CNDP1: variants seen among roughly 807,000 people sequenced by gnomAD.
CNDP1 encodes the protein beta-Ala-His dipeptidase.
Under a neutral mutation model 58.1 loss-of-function variants are expected in CNDP1, and 44 were observed. The observed-to-expected ratio is 0.76, with a 90% CI of 0.60 to 0.97. The LOEUF is 0.97. CNDP1 is among the 50% of genes least tolerant of loss of function. The pLI is 0.00. For synonymous variants in CNDP1, 254 were observed against 252.6 expected (o/e 1.01, Z -0.05); for missense variants, 616 against 655.1 (o/e 0.94, Z 0.65).
intron 1 of CNDP1, among the ~76,000 whole-genome samples, chr18:74,548,920 G>A (rs1980829775): frequency 6.6e-6 from 1 of 152,234 alleles, no homozygotes; most frequent in Admixed American, 6.5e-5. Context: ...ATGACTTAGG[G>A]TATCTGGCAG....
chr18:74,556,527 G>C, intron 2 of CNDP1, 61 bp downstream of exon 2: 2 of 1,593,124 alleles, frequency 1.3e-6, no homozygotes, highest in Non-Finnish European at 8.6e-7. Flanking sequence ...TTTGGTATTT[G>C]GGTGAGACAA....
intron 1 of CNDP1, among the ~76,000 whole-genome samples, chr18:74,544,924 T>G (rs1980720694): frequency 6.6e-6 from 1 of 151,970 alleles, no homozygotes; most frequent in Non-Finnish European, 1.5e-5. Context: ...CAAAACTCAG[T>G]GTCCTCCTAA....
intron 7 of CNDP1, 59 bp from the exon 8 acceptor site, chr18:74,576,810 G>C: frequency 6.6e-7 from 1 of 1,509,750 alleles, no homozygotes; most frequent in Non-Finnish European, 9.0e-7. Flanking sequence ...CTGGCTCCAG[G>C]ACCACAACAT....
At position 74,586,798 on chromosome 18, in the gene CNDP1, G is replaced by A. The variant is rs1267177788; in HGVS notation, c.*2236G>A. 3 of 152,134 alleles carry A rather than the reference G, an allele frequency of 2.0e-5. No individual in the cohort carries two copies. Among genetic ancestry groups the A allele is most frequent in the Non-Finnish European group, 4.4e-5 (3 of 68,050 alleles). 9.4% of individuals were successfully genotyped at this position (152,134 alleles called of 1,614,324 possible). A position where few individuals can be genotyped will look rare whatever the true frequency, so the allele number is the denominator to read the frequency against. ...GTGATCCAGACCCTACCCTGACGTGGGAGTCAGAAAGGAGTATCTTCCAAG... is the reference window on the plus strand; with the variant it reads ...GTGATCCAGACCCTACCCTGACGTGAGAGTCAGAAAGGAGTATCTTCCAAG... On this transcript the variant is annotated 3_prime_UTR_variant, in exon 12 of 12. Transcript: ENST00000358821.
intron 6 of CNDP1, among the ~76,000 whole-genome samples, chr18:74,569,763 C>T (rs182084262): frequency 2.6e-5 from 4 of 152,210 alleles, no homozygotes; most frequent in East Asian, 1.9e-4. Flanking sequence ...GAAGTCAGAG[C>T]GCAGGCACAC....
intron 1 of CNDP1, 106 bp from the exon 2 acceptor site, chr18:74,556,232 G>A (rs908858292): frequency 8.1e-7 from 1 of 1,237,668 alleles, no homozygotes; most frequent in Non-Finnish European, 1.1e-6. Context: ...CGACTGACTG[G>A]AGGCAGCTGT....
At position 74,583,545 on chromosome 18, in the gene CNDP1, T is replaced by G; in HGVS notation, c.1310-16T>G. 6.2e-7 allele frequency: 1 copy of G among 1,613,226 alleles called. No individual in the cohort carries two copies. The highest frequency in any genetic ancestry group is 1.6e-4 in the Middle Eastern group (1 of 6,062). ...TTGTCCTTACCCTATTCAAATGCCT[T>G]CTTTTCCTGTCTCAGTGTTTGGAAC... On this transcript the variant is annotated splice_polypyrimidine_tract_variant and intron_variant, in intron 10 of 11. Transcript: ENST00000358821.
intron 1 of CNDP1, among the ~76,000 whole-genome samples, chr18:74,538,516 T>C (rs1003579006): frequency 1.3e-5 from 2 of 152,236 alleles, no homozygotes; most frequent in Admixed American, 1.3e-4. Flanking sequence ...CCAGTTTTTG[T>C]GTGGACATGT....
chr18:74,570,793 G>A (rs544005351), intron 6 of CNDP1, among the ~76,000 whole-genome samples: 2 of 152,284 alleles, frequency 1.3e-5, no homozygotes, highest in South Asian at 4.1e-4. Flanking sequence ...AAAGAAGAAA[G>A]AGAAGAAAGC....
rs540846031 is a variant in CNDP1 at position 74,555,176 on chromosome 18, A to T, written c.25-1162A>T. Among the ~76,000 whole-genome samples the T allele has an allele frequency of 8.5e-5, 13 of 152,260 alleles. 1 individual carries two copies. Among genetic ancestry groups the T allele is most frequent in the Admixed American group, 2.6e-4 (4 of 15,300 alleles). ...ACATCTCAAACATTTAAAACAATAA[A>T]AGATGGGATTCCAGAGACAAAAATA... On this transcript the variant is annotated intron_variant, in intron 1 of 11. Coordinates refer to ENST00000358821, the MANE Select transcript of CNDP1 (RefSeq NM_032649.6).
At chr18:74,567,094 A>G (rs201890816) in intron 5 of CNDP1, 139 bp from the exon 6 acceptor site, 2 of 669,090 alleles carry the variant, frequency 3.0e-6, no homozygotes, top group East Asian at 5.4e-5. Context: ...ACTGGCCCCC[A>G]TGATTCAATT....
In CNDP1 at chr18:74,584,504, A is replaced by G; in HGVS notation, c.1466A>G (p.Tyr489Cys). Residue 489 changes from tyrosine (Y) to cysteine (C), a missense_variant, in exon 12 of 12, where the codon TAC becomes TGC. By Grantham distance (194) the Tyr-to-Cys change is radical. Coordinates refer to ENST00000358821, the MANE Select transcript of CNDP1 (RefSeq NM_032649.6). ...GTTTTTCCTCTTCTTAGGTGGAACT[A>G]CATAGAGGGAACCAAATTATTTGCT... ...SQNEKINRWN[Y>C]IEGTKLFAAF... is the part of the protein sequence containing the mutation. 6.2e-7 allele frequency: 1 copy of G among 1,612,398 alleles called. No homozygotes were observed. Among genetic ancestry groups the G allele is most frequent in the Non-Finnish European group, 8.5e-7 (1 of 1,178,390 alleles).
intron 3 of CNDP1, among the ~76,000 whole-genome samples, chr18:74,560,054 G>A (rs1283252233): frequency 7.3e-6 from 1 of 137,716 alleles, no homozygotes; most frequent in Non-Finnish European, 1.5e-5. Context: ...CTGTAGCCCA[G>A]GCTGGAGTGC....
chr18:74,584,461 G>T, intron 11 of CNDP1, 35 bp from the exon 12 acceptor site: 1 of 1,459,256 alleles, frequency 6.9e-7, no homozygotes, highest in Non-Finnish European at 9.6e-7. Flanking sequence ...AATGGAAATT[G>T]TAACAAAATT....
chr18:74,578,418 C>A, intron 9 of CNDP1, 91 bp downstream of exon 9: 1 of 1,268,118 alleles, frequency 7.9e-7, no homozygotes, highest in Non-Finnish European at 1.1e-6. Context: ...GAGGTTGCTA[C>A]CATTGGAGTA....
intron 5 of CNDP1, among the ~76,000 whole-genome samples, chr18:74,565,740 G>A (rs373523368): frequency 2.6e-5 from 4 of 152,190 alleles, no homozygotes; most frequent in African/African-American, 9.6e-5. Context: ...TTGAGTGTCT[G>A]CGGTTTTTCC....
chr18:74,573,593 T>A (rs1305620981), intron 7 of CNDP1, among the ~76,000 whole-genome samples: 1 of 152,272 alleles, frequency 6.6e-6, no homozygotes, highest in East Asian at 1.9e-4. Flanking sequence ...AGAGTTTAAA[T>A]GGTTTCCAGA....
chr18:74,556,158 G>C (rs1981031446), intron 1 of CNDP1, among the ~76,000 whole-genome samples, 180 bp from the exon 2 acceptor site: 1 of 152,216 alleles, frequency 6.6e-6, no homozygotes, highest in Admixed American at 6.5e-5. Flanking sequence ...TGGAAATAAA[G>C]TGTTTGGGGA....
At position 74,583,547 on chromosome 18, in the gene CNDP1, T is replaced by G; in HGVS notation, c.1310-14T>G. Reference sequence around the variant, plus strand: ...GTCCTTACCCTATTCAAATGCCTTCTTTTCCTGTCTCAGTGTTTGGAACAG... The same window carrying G: ...GTCCTTACCCTATTCAAATGCCTTCGTTTCCTGTCTCAGTGTTTGGAACAG... On this transcript the variant is annotated splice_polypyrimidine_tract_variant and intron_variant, in intron 10 of 11. Coordinates refer to ENST00000358821, the MANE Select transcript of CNDP1 (RefSeq NM_032649.6). The G allele has an allele frequency of 6.2e-7, 1 of 1,613,308 alleles. No homozygotes were observed. The highest frequency in any genetic ancestry group is 8.5e-7 in the Non-Finnish European group (1 of 1,179,274).
Sources: gnomAD v4.1 joint callset for allele counts (sites outside exome capture counted in the v4.1 genomes callset) on GRCh38, gnomAD v4.1.1 for gene constraint, MANE v1.5 for transcripts, NCBI Gene and HGNC (gene_info 2026-07-23, HGNC 2026-07-21) for gene names.